DLGAP2: variants seen among roughly 807,000 people sequenced by gnomAD.
DLGAP2 encodes the protein DLG associated protein 2.
DLGAP2 carries 26 observed loss-of-function variants against 100.3 expected under a neutral mutation model. The ratio of observed to expected loss-of-function variants is 0.26; its 90% confidence interval spans 0.19 to 0.36. DLGAP2 has a LOEUF of 0.36. Among genes scored for constraint, DLGAP2 ranks in the 10% least tolerant of loss-of-function variants. The pLI, the probability that DLGAP2 is intolerant of heterozygous loss-of-function variation, is 1.00. For synonymous variants in DLGAP2, 886 were observed against 630.1 expected (o/e 1.41, Z -6.08); for missense variants, 1,858 against 1,453.2 (o/e 1.28, Z -4.53).
chr8:1,537,626 AT>A (rs1453042877), intron 4 of DLGAP2, among the ~76,000 whole-genome samples: 1 of 151,902 alleles, frequency 6.6e-6, no homozygotes, highest in East Asian at 1.9e-4. Flanking sequence ...TCATCTCTCT[AT>A]CCCCAACATC....
At chr8:1,086,633 A>G (rs1363521669) in intron 2 of DLGAP2, among the ~76,000 whole-genome samples, 1 of 152,212 alleles carries the variant, frequency 6.6e-6, no homozygotes, top group Non-Finnish European at 1.5e-5. Flanking sequence ...AAATAGACTT[A>G]AAGTCAAAAG....
intron 3 of DLGAP2, among the ~76,000 whole-genome samples, chr8:1,470,710 G>T (rs1798755633): frequency 6.6e-6 from 1 of 150,734 alleles, no homozygotes; most frequent in Non-Finnish European, 1.5e-5. Context: ...ATTCCATGAT[G>T]AAGGCATCAC....
chr8:1,566,758 C>A (rs1479440250), intron 6 of DLGAP2, among the ~76,000 whole-genome samples: 1 of 152,204 alleles, frequency 6.6e-6, no homozygotes, highest in Admixed American at 6.5e-5. Flanking sequence ...GAGCCAGTGA[C>A]CATATAACCT....
chr8:1,182,330 A>C lies in DLGAP2; in HGVS notation c.74-76521A>C, dbSNP rs1487812089. 2.0e-5 allele frequency among the ~76,000 whole-genome samples: 3 copies of C among 152,256 alleles called. No individual in the cohort carries two copies. In the East Asian group the frequency reaches 5.8e-4, roughly 29 times the overall value. ...CCCTTGACTGTGGCAGTGCTCACAC[A>C]CACAACATCCGTGTGGGATGCCAGG... On this transcript the variant is annotated intron_variant, in intron 2 of 14. Transcript: ENST00000637795.
At chr8:1,358,619 G>A (rs777471171) in intron 3 of DLGAP2, among the ~76,000 whole-genome samples, 4 of 152,182 alleles carry the variant, frequency 2.6e-5, no homozygotes, top group Admixed American at 6.5e-5. Context: ...GCGTTTGGAC[G>A]GCTCTTTGAT....
At chr8:1,673,078 T>C (rs1798730511) in intron 10 of DLGAP2, among the ~76,000 whole-genome samples, 1 of 152,184 alleles carries the variant, frequency 6.6e-6, no homozygotes, top group African/African-American at 2.4e-5. Context: ...ATTTTGCTCA[T>C]TCATCTTTTT....
Position 1,531,388 on chromosome 8 carries a change from T to G in DLGAP2, c.173-17238T>G, listed in dbSNP as rs905095665. On this transcript the variant is annotated intron_variant, in intron 4 of 14. Coordinates refer to ENST00000637795, the MANE Select transcript of DLGAP2 (RefSeq NM_001346810.2). ...GGTCAAATTACTTGCTAAAAGGACC[T>G]GTATTTCAAAAGCTGTTTTCTTCAT... Among the ~76,000 whole-genome samples, 9 of 152,308 alleles carry G rather than the reference T, an allele frequency of 5.9e-5. No individual in the cohort carries two copies. In the East Asian group the frequency reaches 1.7e-3, roughly 29 times the overall value.
At chr8:1,144,469 C>A (rs898379882) in intron 2 of DLGAP2, among the ~76,000 whole-genome samples, 1 of 152,210 alleles carries the variant, frequency 6.6e-6, no homozygotes, top group African/African-American at 2.4e-5. Flanking sequence ...CTTCCGAATG[C>A]TCCTCCCCAG....
intron 3 of DLGAP2, among the ~76,000 whole-genome samples, chr8:1,424,134 G>T (rs975013179): frequency 1.3e-5 from 2 of 152,228 alleles, no homozygotes; most frequent in African/African-American, 2.4e-5. Context: ...CTCCACATGG[G>T]TGAAGGAACA....
intron 1 of DLGAP2, among the ~76,000 whole-genome samples, chr8:784,941 C>G (rs1055257458): frequency 1.3e-5 from 2 of 152,114 alleles, no homozygotes; most frequent in Admixed American, 1.3e-4. Flanking sequence ...GGCACGGTGG[C>G]TCACGCCTGT....
At chr8:1,552,613 G>T (rs536309932) in intron 5 of DLGAP2, among the ~76,000 whole-genome samples, 2 of 152,332 alleles carry the variant, frequency 1.3e-5, no homozygotes, top group East Asian at 3.9e-4. Context: ...CACAACCCCA[G>T]ATTTTATTTC....
At chr8:974,001 A>G (rs1034276567) in intron 2 of DLGAP2, among the ~76,000 whole-genome samples, 17 of 152,066 alleles carry the variant, frequency 1.1e-4, no homozygotes, top group Admixed American at 3.9e-4. Context: ...TAAAAATGGA[A>G]CAGAATATTG....
chr8:1,304,504 C>T (rs968107755), intron 3 of DLGAP2, among the ~76,000 whole-genome samples: 35 of 152,160 alleles, frequency 2.3e-4, no homozygotes, highest in Admixed American at 1.6e-3. Context: ...GTAAGGAAAA[C>T]GGCTTCAGTG....
intron 1 of DLGAP2, among the ~76,000 whole-genome samples, chr8:785,280 G>C (rs949542524): frequency 6.8e-6 from 1 of 146,032 alleles, no homozygotes; most frequent in Non-Finnish European, 1.5e-5. Context: ...CAGATGCGCC[G>C]GATCCTGCCA....
chr8:1,274,693 A>T (rs1451075263), intron 3 of DLGAP2, among the ~76,000 whole-genome samples: 1 of 23,306 alleles, frequency 4.3e-5, no homozygotes, highest in East Asian at 1.2e-3. Context: ...GTTTTCATTT[A>T]TCTTTTTTTT....
At chr8:778,578 G>C (rs1007447779) in intron 1 of DLGAP2, among the ~76,000 whole-genome samples, 4 of 152,174 alleles carry the variant, frequency 2.6e-5, no homozygotes, top group Admixed American at 6.5e-5. Context: ...AGGACCCTCA[G>C]CTGCAGGTCT....
intron 4 of DLGAP2, among the ~76,000 whole-genome samples, chr8:1,521,160 G>GTGA (rs1448847184): frequency 7.0e-6 from 1 of 142,166 alleles, no homozygotes; most frequent in African/African-American, 2.7e-5. Context: ...TGGGCGGCAG[G>GTGA]TGATATGGGG....
intron 2 of DLGAP2, among the ~76,000 whole-genome samples, chr8:1,159,181 G>T (rs150340997): frequency 3.1e-4 from 47 of 152,286 alleles, no homozygotes; most frequent in Non-Finnish European, 6.2e-4. Flanking sequence ...CAAGGTTGAG[G>T]TCTCTGCATT....
chr8:749,310 G>C (rs542168853), intron 1 of DLGAP2, among the ~76,000 whole-genome samples: 1 of 152,130 alleles, frequency 6.6e-6, no homozygotes, highest in Non-Finnish European at 1.5e-5. Context: ...TTTATTTCTG[G>C]TCTTTTTATC....
Sources: allele counts gnomAD v4.1 joint callset (sites outside exome capture counted in the v4.1 genomes callset), GRCh38; gene constraint gnomAD v4.1.1; transcripts MANE v1.5; gene names NCBI Gene and HGNC (gene_info 2026-07-23, HGNC 2026-07-21).